Variants in STMN3 observed in about 807,000 individuals in gnomAD.
STMN3 encodes stathmin 3.
Under a neutral mutation model 23.2 loss-of-function variants are expected in STMN3, and 24 were observed. The ratio of observed to expected loss-of-function variants is 1.03; its 90% CI spans 0.75 to 1.45. STMN3 has a LOEUF of 1.45. Among genes scored for constraint, STMN3 ranks in the 40% most tolerant of loss-of-function variants. STMN3 has a pLI of 0.00. For synonymous variants in STMN3, 117 were observed against 103.4 expected, an observed-to-expected ratio of 1.13 and a Z score of -0.80; for missense variants, 235 against 237.6, an observed-to-expected ratio of 0.99 and a Z score of 0.07.
rs1471897496 is a variant in STMN3, at chr20:63,642,209, A to T, written c.382T>A (p.Phe128Ile). ...AGCTTCTCCTCCGCCTGGCGGCTGA[A>T]GTTGTTATTCTCCTCCAGCGCCTTG... ...LHKALEENNN[F>I]SRQAEEKLNY... is the part of the protein sequence containing the mutation. The change falls in exon 4 of 5, where the codon TTC (phenylalanine) becomes ATC (isoleucine). Residue 128 changes from phenylalanine (F) to isoleucine (I), a missense_variant. Phe to Ile is a conservative substitution (Grantham distance 21). Transcript: ENST00000370053. 1.3e-6 allele frequency: 2 copies of T among 1,562,126 alleles called. No individual in the cohort carries two copies. The highest frequency in any genetic ancestry group is 1.7e-6 in the Non-Finnish European group (2 of 1,156,448).
At position 63,652,476 on chromosome 20, in the gene STMN3, T is replaced by TCCCCTGCGTCCAGAATCCGCC; in HGVS notation, c.19+830_19+850dup. 1.3e-6 allele frequency: 1 copy of TCCCCTGCGTCCAGAATCCGCC among 764,192 alleles called. No homozygotes were observed. The highest frequency in any genetic ancestry group is 5.9e-5 in the South Asian group (1 of 16,968). 47.3% of individuals were successfully genotyped at this position (764,192 alleles called of 1,614,324 possible). ...CTCGCGCCCGAGGTCGCCCGGCAGC[T>TCCCCTGCGTCCAGAATCCGCC]CCCCTGCGTCCAGAATCCGCCCCCC... On this transcript the variant is annotated intron_variant, in intron 1 of 4. Transcript: ENST00000370053. The surrounding 1 kb of genome is among the most constrained non-coding windows in gnomAD (Gnocchi z 5.3).
chr20:63,641,549 AGCACCGGGGAGGCGCAGAGCAAG>A, intron 4 of STMN3, 152 bp from the exon 5 acceptor site: 1 of 630,298 alleles, frequency 1.6e-6, no homozygotes, highest in East Asian at 2.7e-5. Flanking sequence ...AGGGGGCGGG[AGCACCGGGGAGGCGCAGAGCAAG>A]GCCAGGGACC....
chr20:63,651,230 G>C (rs760064071), intron 1 of STMN3, among the ~76,000 whole-genome samples: 7 of 152,140 alleles, frequency 4.6e-5, no homozygotes, highest in Non-Finnish European at 8.8e-5. Context: ...CAAAGTGCTG[G>C]GATTACAGGC....
At position 63,652,165 on chromosome 20, in the gene STMN3, G is replaced by T. The variant is rs2089864955; in HGVS notation, c.19+1162C>A. 1 of 152,336 alleles carries T rather than the reference G, an allele frequency of 6.6e-6. No homozygotes were observed. The highest frequency in any genetic ancestry group is 1.5e-5 in the Non-Finnish European group (1 of 68,116). 9.4% of individuals were successfully genotyped at this position (152,336 alleles called of 1,614,324 possible). ...GAAGTCACCTGGAGCCTCCAAGCCCGTGGGGCCTGAGGGGCGGGGTCAGGT... is the reference window on the plus strand; with the variant it reads ...GAAGTCACCTGGAGCCTCCAAGCCCTTGGGGCCTGAGGGGCGGGGTCAGGT... On this transcript the variant is annotated intron_variant, in intron 1 of 4. Coordinates refer to ENST00000370053, the MANE Select transcript of STMN3 (RefSeq NM_015894.4). This position sits in a 1 kb window ranked among gnomAD's most constrained non-coding sequence, Gnocchi z 5.3.
In STMN3 at chr20:63,652,681, C is replaced by T; in HGVS notation, c.19+646G>A. The T allele has an allele frequency of 1.0e-6, 1 of 985,800 alleles. No individual in the cohort carries two copies. Among genetic ancestry groups the T allele is most frequent in the Non-Finnish European group, 1.2e-6 (1 of 830,238 alleles). The allele number at this position is 985,800 out of a possible 1,614,324, so 61.1% of individuals were successfully genotyped here. On this transcript the variant is annotated intron_variant, in intron 1 of 4. Coordinates refer to ENST00000370053, the MANE Select transcript of STMN3 (RefSeq NM_015894.4). The surrounding 1 kb of genome is among the most constrained non-coding windows in gnomAD (Gnocchi z 5.3). The stretch of plus-strand genomic sequence containing the variant: ...GCAGTCGCCCCTCCCCCATCCAGAC[C>T]CCGCGGCGCAAAGGGCAGTGGCTTT...
Position 63,652,510 on chromosome 20 carries a change from C to A in STMN3, c.19+817G>T, listed in dbSNP as rs2089868485. 2.1e-6 allele frequency: 2 copies of A among 945,570 alleles called. No individual in the cohort carries two copies. Among genetic ancestry groups the A allele is most frequent in the African/African-American group, 3.5e-5 (2 of 56,472 alleles). 58.6% of individuals were successfully genotyped at this position (945,570 alleles called of 1,614,324 possible). ...TCCAGAATCCGCCCCCCGCCCGGGC[C>A]TGCGCCCGCCCCTCCGCCTGAGCTC... On this transcript the variant is annotated intron_variant, in intron 1 of 4. Coordinates refer to ENST00000370053, the MANE Select transcript of STMN3 (RefSeq NM_015894.4). The surrounding 1 kb of genome is among the most constrained non-coding windows in gnomAD (Gnocchi z 5.3).
In STMN3 at chr20:63,639,909, T is replaced by C. The variant is rs2089745562; in HGVS notation, c.*1429A>G. 1 of 152,056 alleles carries C rather than the reference T, an allele frequency of 6.6e-6. No homozygotes were observed. The highest frequency in any genetic ancestry group is 6.6e-5 in the Admixed American group (1 of 15,238). 9.4% of individuals were successfully genotyped at this position (152,056 alleles called of 1,614,324 possible). On this transcript the variant is annotated 3_prime_UTR_variant, in exon 5 of 5. Coordinates refer to ENST00000370053, the MANE Select transcript of STMN3 (RefSeq NM_015894.4). ...AGATGTGGACAGCCTTGGGTTCCCATCCCAGCTGGCTGCTCCTTCTGGGGC... is the reference window on the plus strand; with the variant it reads ...AGATGTGGACAGCCTTGGGTTCCCACCCCAGCTGGCTGCTCCTTCTGGGGC...
At chr20:63,643,518 T>G in intron 3 of STMN3, 12 of 483,486 alleles carry the variant, frequency 2.5e-5, no homozygotes, top group East Asian at 1.5e-4. Flanking sequence ...CAACCTCAAG[T>G]GATCTGCCTG....
intron 3 of STMN3, among the ~76,000 whole-genome samples, chr20:63,642,843 C>T (rs538939459): frequency 1.2e-4 from 19 of 152,290 alleles, no homozygotes; most frequent in African/African-American, 3.6e-4. Flanking sequence ...GACCCGCACC[C>T]ACATGCCAGT....
chr20:63,647,811 G>C (rs995857120), intron 1 of STMN3, among the ~76,000 whole-genome samples: 1 of 117,488 alleles, frequency 8.5e-6, no homozygotes, highest in African/African-American at 3.1e-5. Context: ...ATATATACAC[G>C]TGTATATATA....
chr20:63,642,606 C>A (rs1278155941), intron 3 of STMN3, among the ~76,000 whole-genome samples: 1 of 152,228 alleles, frequency 6.6e-6, no homozygotes, highest in African/African-American at 2.4e-5. Context: ...CCACTGCACA[C>A]CCTGCCCTGC....
rs200355112 is a variant in STMN3 at position 63,644,201 on chromosome 20, G to C, written c.115+13C>G. Reference sequence around the variant, plus strand: ...GCACCGCAGGGAAGGGCAGGCGGCAGCCAGGCACTCACCCCCGTACTGGTA... The same window carrying C: ...GCACCGCAGGGAAGGGCAGGCGGCACCCAGGCACTCACCCCCGTACTGGTA... On this transcript the variant is annotated intron_variant, in intron 2 of 4. Coordinates refer to ENST00000370053, the MANE Select transcript of STMN3 (RefSeq NM_015894.4). 4.3e-6 allele frequency: 7 copies of C among 1,610,314 alleles called. No homozygotes were observed. The Admixed American group carries it at 5.0e-5, about 12-fold the overall frequency.
intron 1 of STMN3, among the ~76,000 whole-genome samples, chr20:63,644,975 C>G (rs1018372794): frequency 6.6e-6 from 1 of 152,180 alleles, no homozygotes; most frequent in Non-Finnish European, 1.5e-5. Context: ...AGTGGCTACC[C>G]CTGCCTGTCT....
At chr20:63,644,412 C>T (rs1050633705) in intron 1 of STMN3, 103 bp from the exon 2 acceptor site, 8 of 841,322 alleles carry the variant, frequency 9.5e-6, no homozygotes, top group Admixed American at 4.2e-5. Context: ...CTGTGAGACA[C>T]GGAGCTGCCC....
At chr20:63,651,975 C>G (rs1464387646) in intron 1 of STMN3, among the ~76,000 whole-genome samples, 2 of 152,176 alleles carry the variant, frequency 1.3e-5, no homozygotes, top group African/African-American at 4.8e-5. Flanking sequence ...CGGCGCTGCC[C>G]TCAGGGGCAG....
intron 1 of STMN3, among the ~76,000 whole-genome samples, chr20:63,646,545 G>T (rs1432647438): frequency 1.3e-5 from 2 of 151,778 alleles, no homozygotes; most frequent in Admixed American, 6.6e-5. Flanking sequence ...AGTAGAGACG[G>T]GGTTTCACTA....
chr20:63,652,698 A>C lies in STMN3; in HGVS notation c.19+629T>G. 4.1e-6 allele frequency: 4 copies of C among 985,938 alleles called. No individual in the cohort carries two copies. The highest frequency in any genetic ancestry group is 4.8e-6 in the Non-Finnish European group (4 of 830,402). The allele number at this position is 985,938 out of a possible 1,614,324, so 61.1% of individuals were successfully genotyped here. On this transcript the variant is annotated intron_variant, in intron 1 of 4. Coordinates refer to ENST00000370053, the MANE Select transcript of STMN3 (RefSeq NM_015894.4). This position sits in a 1 kb window ranked among gnomAD's most constrained non-coding sequence, Gnocchi z 5.3. ...ATCCAGACCCCGCGGCGCAAAGGGC[A>C]GTGGCTTTTCTGGCCAGAGCAGGTG...
Position 63,641,262 on chromosome 20 carries a change from T to A in STMN3, c.*76A>T. On this transcript the variant is annotated 3_prime_UTR_variant, in exon 5 of 5. Transcript: ENST00000370053. ...GGGGAGGAGGAACAAAAGTTGCATC[T>A]AGACAGAGGTGAACGAAACAAAACC... 1 of 1,376,230 alleles carries A rather than the reference T, an allele frequency of 7.3e-7. No individual in the cohort carries two copies. The highest frequency in any genetic ancestry group is 1.0e-6 in the Non-Finnish European group (1 of 991,254). 85.3% of individuals were successfully genotyped at this position (1,376,230 alleles called of 1,614,324 possible). A position where few individuals can be genotyped will look rare whatever the true frequency, so the allele number is the denominator to read the frequency against.
At position 63,642,274 on chromosome 20, in the gene STMN3, T is replaced by A; in HGVS notation, c.317A>T (p.Gln106Leu). 1 of 1,543,704 alleles carries A rather than the reference T, an allele frequency of 6.5e-7. No homozygotes were observed. Among genetic ancestry groups the A allele is most frequent in the Non-Finnish European group, 8.7e-7 (1 of 1,146,594 alleles). Reference sequence around the variant, plus strand: ...CTCGTGCTCGCGCCGCTCCGCCAGCTGCTTCAGCACCTGCGCCTCCTGCGT... The same window carrying A: ...CTCGTGCTCGCGCCGCTCCGCCAGCAGCTTCAGCACCTGCGCCTCCTGCGT... ...RKTQEAQVLKQLAERREHERE... is the reference protein window; with the variant it reads ...RKTQEAQVLKLLAERREHERE... The change falls in exon 4 of 5, where the codon CAG becomes CTG. Residue 106 changes from glutamine (Q) to leucine (L), a missense_variant. Transcript: ENST00000370053.
Sources: gnomAD v4.1 joint callset for allele counts (sites outside exome capture counted in the v4.1 genomes callset) on GRCh38, gnomAD v4.1.1 for gene constraint, Gnocchi (gnomAD v3.1) non-coding constraint, MANE v1.5 for transcripts, NCBI Gene and HGNC (gene_info 2026-07-23, HGNC 2026-07-21) for gene names.